AGBL1: variants seen among roughly 807,000 people sequenced by gnomAD.
AGBL1 encodes AGBL carboxypeptidase 1, also known as cytosolic carboxypeptidase 4.
Under a neutral mutation model 118.9 loss-of-function variants are expected in AGBL1, and 130 were observed. The observed-to-expected ratio is 1.09, with a 90% CI of 0.95 to 1.26. AGBL1 has a LOEUF of 1.26. AGBL1 is among the 50% of genes most tolerant of loss of function. AGBL1 has a pLI of 0.00. For synonymous variants in AGBL1, 555 were observed against 478.9 expected, an observed-to-expected ratio of 1.16 and a Z score of -2.08; for missense variants, 1,584 against 1,298.1, an observed-to-expected ratio of 1.22 and a Z score of -3.38.
intron 6 of AGBL1, among the ~76,000 whole-genome samples, chr15:86,230,868 C>G (rs2141948489): frequency 1.3e-5 from 2 of 152,250 alleles, no homozygotes; most frequent in South Asian, 4.2e-4. Flanking sequence ...CTGCCCGGCT[C>G]CCATCAATTA....
At chr15:86,490,784 A>G (rs956501686) in intron 18 of AGBL1, among the ~76,000 whole-genome samples, 27 of 152,072 alleles carry the variant, frequency 1.8e-4, no homozygotes, top group African/African-American at 6.3e-4. Flanking sequence ...CACCTGCTGT[A>G]TTAAAACAAC....
chr15:86,561,818 C>G (rs2083826309), intron 21 of AGBL1, among the ~76,000 whole-genome samples: 1 of 152,162 alleles, frequency 6.6e-6, no homozygotes, highest in Non-Finnish European at 1.5e-5. Flanking sequence ...TTTGTATCCT[C>G]TTTTATTTCA....
At chr15:86,816,201 G>A (rs1442469426) in intron 22 of AGBL1, among the ~76,000 whole-genome samples, 3 of 152,206 alleles carry the variant, frequency 2.0e-5, no homozygotes, top group Non-Finnish European at 4.4e-5. Context: ...AGGACAAAAT[G>A]TATAGTAGCA....
In AGBL1 at chr15:86,848,067, C is replaced by T. The variant is rs1296168950; in HGVS notation, c.3159-59020C>T. Among the ~76,000 whole-genome samples, 3 of 152,176 alleles carry T rather than the reference C, an allele frequency of 2.0e-5. No individual in the cohort carries two copies. The East Asian group carries it at 5.8e-4, about 29-fold the overall frequency. ...CTGCTTGCTATAAATCAGGTCAATC[C>T]TCTTTTTCAGTGAAGCTTCTGTTTT... On this transcript the variant is annotated intron_variant, in intron 22 of 22. Transcript: ENST00000614907.
chr15:86,417,812 C>T (rs1051536382), intron 18 of AGBL1, among the ~76,000 whole-genome samples: 9 of 152,134 alleles, frequency 5.9e-5, no homozygotes, highest in African/African-American at 1.9e-4. Context: ...ATGGAATTCC[C>T]GGATGACCAC....
chr15:86,679,318 A>G (rs1356171846), intron 22 of AGBL1, among the ~76,000 whole-genome samples: 1 of 152,054 alleles, frequency 6.6e-6, no homozygotes, highest in East Asian at 1.9e-4. Context: ...TAAACTTTTA[A>G]TCTCAATATT....
At chr15:86,681,048 G>A (rs1011708979) in intron 22 of AGBL1, among the ~76,000 whole-genome samples, 1 of 151,972 alleles carries the variant, frequency 6.6e-6, no homozygotes, top group African/African-American at 2.4e-5. Flanking sequence ...CTTGAAACAT[G>A]TCTCAATTAT....
chr15:86,692,464 T>C (rs1349419788), intron 22 of AGBL1, among the ~76,000 whole-genome samples: 1 of 152,082 alleles, frequency 6.6e-6, no homozygotes, highest in African/African-American at 2.4e-5. Context: ...CTGGGGGCTG[T>C]AGAAGGACTA....
chr15:86,708,970 C>G (rs939448428), intron 22 of AGBL1, among the ~76,000 whole-genome samples: 5 of 152,124 alleles, frequency 3.3e-5, no homozygotes, highest in African/African-American at 9.7e-5. Flanking sequence ...GCTCCAAATC[C>G]TTAACCAGCT....
intron 22 of AGBL1, among the ~76,000 whole-genome samples, chr15:86,898,403 A>C (rs774304775): frequency 7.2e-5 from 11 of 152,206 alleles, no homozygotes; most frequent in Non-Finnish European, 1.3e-4. Flanking sequence ...GAAGGGGTCC[A>C]GCTTCAATCT....
intron 21 of AGBL1, among the ~76,000 whole-genome samples, chr15:86,594,110 A>C (rs1216047768): frequency 6.6e-6 from 1 of 151,968 alleles, no homozygotes; most frequent in East Asian, 1.9e-4. Flanking sequence ...ATTTTAATAG[A>C]GATGAAGTCT....
chr15:86,334,623 A>G (rs969836295), intron 17 of AGBL1, among the ~76,000 whole-genome samples: 7 of 151,536 alleles, frequency 4.6e-5, no homozygotes, highest in African/African-American at 2.4e-5. Flanking sequence ...CTATCAAACT[A>G]CTAATGTCAC....
intron 22 of AGBL1, among the ~76,000 whole-genome samples, chr15:86,749,004 G>T (rs972592112): frequency 1.2e-4 from 19 of 152,100 alleles, no homozygotes; most frequent in African/African-American, 4.3e-4. Flanking sequence ...CTCTTTTTTG[G>T]TTCCATATGA....
chr15:86,413,429 TA>T (rs1196087962), intron 18 of AGBL1, among the ~76,000 whole-genome samples: 1 of 152,206 alleles, frequency 6.6e-6, no homozygotes, highest in Non-Finnish European at 1.5e-5. Context: ...GTTCTATTTT[TA>T]GTTCTTTGTG....
intron 22 of AGBL1, among the ~76,000 whole-genome samples, chr15:86,786,022 G>A (rs1205459811): frequency 6.6e-6 from 1 of 152,088 alleles, no homozygotes; most frequent in African/African-American, 2.4e-5. Flanking sequence ...ACACCCACTG[G>A]GTAAATAGTT....
intron 20 of AGBL1, among the ~76,000 whole-genome samples, chr15:86,548,679 A>ACT (rs1459037192): frequency 1.3e-5 from 2 of 151,642 alleles, no homozygotes; most frequent in Non-Finnish European, 2.9e-5. Context: ...ACACACACAC[A>ACT]CACACACACA....
intron 18 of AGBL1, among the ~76,000 whole-genome samples, chr15:86,419,070 A>T (rs2081746008): frequency 6.6e-6 from 1 of 152,120 alleles, no homozygotes; most frequent in South Asian, 2.1e-4. Context: ...TATGCTATCA[A>T]AGATACATGA....
intron 22 of AGBL1, among the ~76,000 whole-genome samples, chr15:86,860,736 G>A (rs574205870): frequency 1.6e-4 from 24 of 152,042 alleles, no homozygotes; most frequent in Non-Finnish European, 2.6e-4. Context: ...GTGTGTGTGT[G>A]TGTGCCTATG....
At chr15:86,209,338 G>A (rs900265943) in intron 5 of AGBL1, among the ~76,000 whole-genome samples, 4 of 152,110 alleles carry the variant, frequency 2.6e-5, no homozygotes, top group Non-Finnish European at 5.9e-5. Flanking sequence ...AGGTCTGCTT[G>A]GTGCAGAGCT....
Sources: gnomAD v4.1 joint callset for allele counts (sites outside exome capture counted in the v4.1 genomes callset) on GRCh38, gnomAD v4.1.1 for gene constraint, MANE v1.5 for transcripts, NCBI Gene and HGNC (gene_info 2026-07-23, HGNC 2026-07-21) for gene names.